The following TMEM135 variants were observed in gnomAD, a reference collection of about 807,000 sequenced individuals.
The protein encoded by TMEM135 is transmembrane protein 135, also known as peroxisomal membrane protein 52.
A neutral mutation model predicts 60.3 loss-of-function variants in TMEM135; 30 were observed. The observed-to-expected ratio is 0.50, with a 90% CI of 0.37 to 0.68. The LOEUF (loss-of-function observed/expected upper bound fraction) is 0.68. TMEM135 is among the 30% of genes least tolerant of loss of function. TMEM135 has a pLI of 0.00. For missense variants in TMEM135, 468 were observed against 548.8 expected, an observed-to-expected ratio of 0.85 and a Z score of 1.47; for synonymous variants, 190 against 186.7, an observed-to-expected ratio of 1.02 and a Z score of -0.14.
chr11:87,258,387 T>C (rs1941573954), intron 6 of TMEM135, among the ~76,000 whole-genome samples: 1 of 152,144 alleles, frequency 6.6e-6, no homozygotes, highest in Non-Finnish European at 1.5e-5. Context: ...ACATAGGGAT[T>C]CATAGTGGCC....
chr11:87,240,288 A>C (rs1476409074), intron 6 of TMEM135, among the ~76,000 whole-genome samples: 6 of 152,038 alleles, frequency 3.9e-5, no homozygotes, highest in African/African-American at 1.4e-4. Context: ...ATAGTTTTAC[A>C]TCCTTTGTTC....
chr11:87,177,177 G>A lies in TMEM135; in HGVS notation c.462+19771G>A, dbSNP rs542029414. ...ATTGAAAGCACTTTACCATTGCCTC[G>A]CCCTTTCATTTTAAAATATTTTCCA... is the stretch of plus-strand genomic sequence containing the variant. On this transcript the variant is annotated intron_variant, in intron 5 of 14. Transcript: ENST00000305494. Among the ~76,000 whole-genome samples, 5 of 152,112 alleles carry A rather than the reference G, an allele frequency of 3.3e-5. No individual in the cohort carries two copies. The South Asian group carries it at 6.2e-4, about 19-fold the overall frequency.
At chr11:87,311,675 T>A (rs2135449581) in intron 10 of TMEM135, among the ~76,000 whole-genome samples, 1 of 152,096 alleles carries the variant, frequency 6.6e-6, no homozygotes, top group African/African-American at 2.4e-5. Context: ...GGTCAGAAAA[T>A]CTCAGGAAAT....
At position 87,326,436 on chromosome 11, in the gene TMEM135, T is replaced by C. The variant is rs1224721496; in HGVS notation, c.*5103T>C. 2 of 454,088 alleles carry C rather than the reference T, an allele frequency of 4.4e-6. No homozygotes were observed. The highest frequency in any genetic ancestry group is 4.7e-5 in the Admixed American group (2 of 42,568). The allele number at this position is 454,088 out of a possible 1,614,324, so 28.1% of individuals were successfully genotyped here. A position where few individuals can be genotyped will look rare whatever the true frequency, so the allele number is the denominator to read the frequency against. On this transcript the variant is annotated 3_prime_UTR_variant, in exon 15 of 15. Transcript: ENST00000305494. ...CTTTTTCCAGTAGTTAATCGATCTC[T>C]TAAATTAATTTTCTTTTCAGATTAT...
chr11:87,118,200 A>G (rs115588125), intron 4 of TMEM135, among the ~76,000 whole-genome samples: 42 of 152,272 alleles, frequency 2.8e-4, no homozygotes, highest in African/African-American at 9.6e-4. Context: ...GATTTAGGTA[A>G]TTCTTAAGGG....
chr11:87,175,532 A>G (rs939379120), intron 5 of TMEM135, among the ~76,000 whole-genome samples: 2 of 152,194 alleles, frequency 1.3e-5, no homozygotes, highest in African/African-American at 4.8e-5. Flanking sequence ...TATTTTCTTC[A>G]TAATAGTCAC....
At chr11:87,255,125 CTAG>C (rs1335050994) in intron 6 of TMEM135, among the ~76,000 whole-genome samples, 16 of 151,984 alleles carry the variant, frequency 1.1e-4, no homozygotes, top group Non-Finnish European at 1.8e-4. Context: ...ACCATTCTGA[CTAG>C]AGGAATTTGG....
intron 4 of TMEM135, among the ~76,000 whole-genome samples, chr11:87,132,897 A>G (rs1937977004): frequency 6.6e-6 from 1 of 152,168 alleles, no homozygotes. Flanking sequence ...ATTAGTAACA[A>G]TAATAAAACA....
intron 1 of TMEM135, among the ~76,000 whole-genome samples, chr11:87,063,473 G>T (rs1949968377): frequency 1.3e-5 from 2 of 152,212 alleles, no homozygotes; most frequent in Non-Finnish European, 2.9e-5. Context: ...TTATACATGA[G>T]TGCAAGTGCT....
At chr11:87,168,177 G>C (rs950254931) in intron 5 of TMEM135, among the ~76,000 whole-genome samples, 1 of 151,936 alleles carries the variant, frequency 6.6e-6, no homozygotes, top group East Asian at 1.9e-4. Flanking sequence ...TTTTTTTATT[G>C]TGTCTATTTT....
chr11:87,278,724 C>T (rs1159820047), intron 6 of TMEM135, among the ~76,000 whole-genome samples: 52 of 152,126 alleles, frequency 3.4e-4, no homozygotes, highest in Admixed American at 3.4e-3. Context: ...AAAATATACA[C>T]ATTTGAAGAG....
chr11:87,057,068 C>T (rs148335558), intron 1 of TMEM135, among the ~76,000 whole-genome samples: 288 of 152,164 alleles, frequency 1.9e-3, no homozygotes, highest in African/African-American at 4.7e-3. Context: ...CAAGACTTTC[C>T]CTATATTACA....
At position 87,229,338 on chromosome 11, in the gene TMEM135, A is replaced by G. The variant is rs374802858; in HGVS notation, c.463-7300A>G. 2.9e-4 allele frequency among the ~76,000 whole-genome samples: 42 copies of G among 146,058 alleles called. No individual in the cohort carries two copies. The South Asian group carries it at 8.1e-3, about 28-fold the overall frequency. On this transcript the variant is annotated intron_variant, in intron 5 of 14. Coordinates refer to ENST00000305494, the MANE Select transcript of TMEM135 (RefSeq NM_022918.4). ...CAACCAACCAGCCAACCAAAAAAAC[A>G]AACAAAAGGATTATAAACCTGGGAG...
chr11:87,082,744 C>T (rs1368305399), intron 3 of TMEM135, among the ~76,000 whole-genome samples: 1 of 152,154 alleles, frequency 6.6e-6, no homozygotes, highest in Admixed American at 6.5e-5. Context: ...GTGTACAGTT[C>T]AGTCTTTAAA....
chr11:87,155,254 C>G (rs1938662418), intron 4 of TMEM135, among the ~76,000 whole-genome samples: 1 of 152,240 alleles, frequency 6.6e-6, no homozygotes, highest in East Asian at 1.9e-4. Context: ...CCGCCTCGGC[C>G]TCTCAAACTG....
At chr11:87,086,295 C>T (rs1857093963) in intron 3 of TMEM135, among the ~76,000 whole-genome samples, 1 of 152,128 alleles carries the variant, frequency 6.6e-6, no homozygotes, top group South Asian at 2.1e-4. Flanking sequence ...GAGATCTCCA[C>T]AGCCAGTGAT....
chr11:87,254,139 T>C (rs1214350357), intron 6 of TMEM135, among the ~76,000 whole-genome samples: 1 of 152,108 alleles, frequency 6.6e-6, no homozygotes, highest in Non-Finnish European at 1.5e-5. Context: ...GTTTTTAAAA[T>C]AATTTGAGTA....
intron 5 of TMEM135, among the ~76,000 whole-genome samples, chr11:87,187,611 G>A (rs572408912): frequency 2.0e-5 from 3 of 152,256 alleles, no homozygotes; most frequent in South Asian, 2.1e-4. Context: ...CATGCTGTGC[G>A]TGTATGTGTC....
At chr11:87,182,696 T>C (rs993530761) in intron 5 of TMEM135, among the ~76,000 whole-genome samples, 7 of 152,204 alleles carry the variant, frequency 4.6e-5, no homozygotes, top group African/African-American at 1.7e-4. Flanking sequence ...TATTTTTTTC[T>C]CTAGAAAATT....
Sources: gnomAD v4.1 joint callset for allele counts (sites outside exome capture counted in the v4.1 genomes callset) on GRCh38, gnomAD v4.1.1 for gene constraint, MANE v1.5 for transcripts, NCBI Gene and HGNC (gene_info 2026-07-23, HGNC 2026-07-21) for gene names.